The following DNAH2 variants were observed in gnomAD, a reference collection of about 807,000 sequenced individuals.
DNAH2 encodes the protein dynein axonemal heavy chain 2.
DNAH2 carries 323 observed loss-of-function variants against 523.5 expected under a neutral mutation model. The observed-to-expected ratio is 0.62, with a 90% CI of 0.56 to 0.68. The LOEUF is 0.68. Among genes scored for constraint, DNAH2 ranks in the 30% least tolerant of loss-of-function variants. DNAH2 has a pLI of 0.00. For synonymous variants in DNAH2, 2,093 were observed against 2,177.4 expected (o/e 0.96, Z 1.08); for missense variants, 4,907 against 5,701.5 (o/e 0.86, Z 4.49).
At chr17:7,815,259 C>T (rs1027509085) in intron 63 of DNAH2, among the ~76,000 whole-genome samples, 13 of 152,228 alleles carry the variant, frequency 8.5e-5, no homozygotes, top group Admixed American at 6.5e-4. Flanking sequence ...GGCGAGGCTC[C>T]GAAAGGATGA....
intron 63 of DNAH2, among the ~76,000 whole-genome samples, chr17:7,811,902 C>G (rs1383797553): frequency 6.6e-6 from 1 of 152,156 alleles, no homozygotes; most frequent in Non-Finnish European, 1.5e-5. Context: ...TCCTCAGGAC[C>G]TCAGAGGCTG....
In DNAH2 at chr17:7,818,682, G is replaced by A; in HGVS notation, c.10576G>A (p.Glu3526Lys). The A allele has an allele frequency of 6.2e-7, 1 of 1,614,102 alleles. No individual in the cohort carries two copies. Among genetic ancestry groups the A allele is most frequent in the Non-Finnish European group, 8.5e-7 (1 of 1,180,014 alleles). The change falls in exon 70 of 86, where the codon GAG becomes AAG. Residue 3526 changes from glutamate (E) to lysine (K), a missense_variant. Glu to Lys is a moderately conservative substitution (Grantham distance 56, BLOSUM62 1). This residue lies in a region of DNAH2 where 1,851 missense variants were observed against 2,139.4 expected (regional missense o/e 0.87). Transcript: ENST00000572933. ...GCTGCTGGGCATTGTGGTGCGGAAG[G>A]AGCGGCCTGAGCTGGAGGAGCAGAA... is the stretch of plus-strand genomic sequence containing the variant. Reference protein sequence around the residue: ...AQLLGIVVRKERPELEEQKDS... With the variant: ...AQLLGIVVRKKRPELEEQKDS...
rs116254697 is a variant in DNAH2, at chr17:7,783,563, C to A, written c.6129+2396C>A. ...ACAGGCTGGACATGATGGCTCACAC[C>A]TGTAATCCTAGCACTTTGGGAGGCA... On this transcript the variant is annotated intron_variant, in intron 39 of 85. Coordinates refer to ENST00000572933, the MANE Select transcript of DNAH2 (RefSeq NM_020877.5). 3.5e-3 allele frequency among the ~76,000 whole-genome samples: 534 copies of A among 152,082 alleles called. 3 individuals are homozygous for A. Among genetic ancestry groups the A allele is most frequent in the African/African-American group, 0.012 (509 of 41,462 alleles).
chr17:7,809,602 C>T (rs546105130), intron 63 of DNAH2, among the ~76,000 whole-genome samples: 28 of 152,220 alleles, frequency 1.8e-4, no homozygotes, highest in African/African-American at 4.8e-4. Context: ...TGAATCATAT[C>T]CTGGGCTAAA....
intron 64 of DNAH2, 24 bp from the exon 65 acceptor site, chr17:7,817,266 C>T (rs948512373): frequency 6.3e-7 from 1 of 1,580,944 alleles, no homozygotes; most frequent in Non-Finnish European, 8.5e-7. Context: ...CCCAGGCAGG[C>T]TTACCCTCCC....
rs767145532 is a variant in DNAH2, at chr17:7,831,533, G to C, written c.12603G>C (p.Gln4201His). 6 of 1,614,194 alleles carry C rather than the reference G, an allele frequency of 3.7e-6. No individual in the cohort carries two copies. The Admixed American group carries it at 1.0e-4, about 27-fold the overall frequency. The stretch of plus-strand genomic sequence containing the variant: ...TCCAGAGATACAACACACTGATGCA[G>C]ACCATCCTGTAAGACAGAGGGGGAC... Reference protein sequence around the residue: ...QEIQRYNTLMQTILFSLTDLE... With the variant: ...QEIQRYNTLMHTILFSLTDLE... Residue 4201 changes from glutamine (Q) to histidine (H), a missense_variant, in exon 81 of 86, where the codon CAG (glutamine) becomes CAC (histidine). Transcript: ENST00000572933. This position sits in a 1 kb window ranked among gnomAD's most constrained non-coding sequence, Gnocchi z 4.2.
In DNAH2 at chr17:7,832,928, G is replaced by A. The variant is rs2078226133; in HGVS notation, c.12978G>A (p.Lys4326=). The A allele has an allele frequency of 6.2e-7, 1 of 1,614,196 alleles. No homozygotes were observed. The highest frequency in any genetic ancestry group is 1.1e-5 in the South Asian group (1 of 91,088). ...VDDSNLVYPP[K]DGVWVRGLYL... is the part of the protein sequence containing the mutation. ...ACAGCAACCTAGTGTATCCCCCCAA[G>A]GTGGGAGCCAGTTGTGCTTGGGGCT... The change falls in exon 84 of 86, where the codon AAG becomes AAA. Residue 4326 remains lysine (K), a splice_region_variant and synonymous_variant. Transcript: ENST00000572933. The surrounding 1 kb of genome is among the most constrained non-coding windows in gnomAD (Gnocchi z 4.3).
chr17:7,720,815 A>G (rs1389480718), intron 2 of DNAH2, among the ~76,000 whole-genome samples: 7 of 152,102 alleles, frequency 4.6e-5, no homozygotes, highest in Non-Finnish European at 8.8e-5. Flanking sequence ...TGAAGTGCTC[A>G]GGTGAAAGCA....
rs560390161 is a variant in DNAH2 at position 7,771,209 on chromosome 17, G to A, written c.4363-121G>A. On this transcript the variant is annotated intron_variant, in intron 27 of 85. Coordinates refer to ENST00000572933, the MANE Select transcript of DNAH2 (RefSeq NM_020877.5). ...TTCCTTGTAGAACTTGGGCATCTTG[G>A]CCTTTGACTTCTAGCACTCTGTATC... 6.5e-4 allele frequency: 929 copies of A among 1,425,782 alleles called. 1 individual carries two copies. The highest frequency in any genetic ancestry group is 1.0e-3 in the Admixed American group (51 of 48,730). 88.3% of individuals were successfully genotyped at this position (1,425,782 alleles called of 1,614,324 possible).
chr17:7,767,699 T>C lies in DNAH2; in HGVS notation c.3676-201T>C, dbSNP rs192287018. On this transcript the variant is annotated intron_variant, in intron 22 of 85. Coordinates refer to ENST00000572933, the MANE Select transcript of DNAH2 (RefSeq NM_020877.5). ...TGATTTGCATTTCCCTAATGACTCA[T>C]GACATTGAGGATTTTTTCATGTGCT... Among the ~76,000 whole-genome samples the C allele has an allele frequency of 2.6e-5, 4 of 151,982 alleles. No individual in the cohort carries two copies. In the East Asian group the frequency reaches 7.7e-4, roughly 29 times the overall value.
Position 7,830,444 on chromosome 17 carries a change from C to A in DNAH2, c.11998C>A (p.Gln4000Lys). Residue 4000 changes from glutamine (Q) to lysine (K), a missense_variant, in exon 78 of 86, where the codon CAG (glutamine) becomes AAG (lysine). Coordinates refer to ENST00000572933, the MANE Select transcript of DNAH2 (RefSeq NM_020877.5). ...SVLLERKKFL[Q>K]LGWNIIYGFN... ...GTTACTTGAACGCAAAAAGTTCCTGCAGCTTGGCTGGAACATCATCTATGG... is the reference window on the plus strand; with the variant it reads ...GTTACTTGAACGCAAAAAGTTCCTGAAGCTTGGCTGGAACATCATCTATGG... 6.8e-6 allele frequency: 11 copies of A among 1,614,236 alleles called. No homozygotes were observed. The highest frequency in any genetic ancestry group is 9.3e-6 in the Non-Finnish European group (11 of 1,180,050).
chr17:7,722,091 C>T (rs9916608), intron 2 of DNAH2, among the ~76,000 whole-genome samples: 1,725 of 152,068 alleles, frequency 0.011, 45 homozygotes, highest in African/African-American at 0.039. Flanking sequence ...CTCTGCCTCC[C>T]GGATTCAAGC....
rs1305728601 is a variant in DNAH2 at position 7,830,320 on chromosome 17, A to T, written c.11874A>T (p.Thr3958=). The change falls in exon 78 of 86, where the codon ACA becomes ACT. Residue 3958 remains threonine (T), a synonymous_variant. Coordinates refer to ENST00000572933, the MANE Select transcript of DNAH2 (RefSeq NM_020877.5). The part of the protein sequence containing the change: ...EPPKGLKANM[T]RLYQLMSEPQ... The stretch of plus-strand genomic sequence containing the variant: ...CCCAGGGCCTAAAGGCCAACATGAC[A>T]CGTCTTTACCAACTGATGTCAGAAC... 1.2e-6 allele frequency: 2 copies of T among 1,614,032 alleles called. No homozygotes were observed. Among genetic ancestry groups the T allele is most frequent in the Non-Finnish European group, 1.7e-6 (2 of 1,180,018 alleles).
chr17:7,737,937 A>G (rs1008569128), intron 8 of DNAH2: 2 of 701,908 alleles, frequency 2.8e-6, no homozygotes, highest in Non-Finnish European at 2.6e-6. Context: ...AGGTGGGGAC[A>G]GAGGCTGTGG....
chr17:7,742,385 C>T (rs1315171080), intron 11 of DNAH2, among the ~76,000 whole-genome samples: 23 of 152,098 alleles, frequency 1.5e-4, no homozygotes, highest in African/African-American at 9.7e-5. Context: ...GAGCCGAGAT[C>T]GCGCCACTGT....
At position 7,792,669 on chromosome 17, in the gene DNAH2, T is replaced by C; in HGVS notation, c.7158T>C (p.Tyr2386=). 3 of 1,614,014 alleles carry C rather than the reference T, an allele frequency of 1.9e-6. No individual in the cohort carries two copies. The highest frequency in any genetic ancestry group is 2.5e-6 in the Non-Finnish European group (3 of 1,179,962). ...SWRYPPNAPF[Y]KIMVPTVDTV... ...TGCTCTTCCCTAGCGCCCCCTTCTA[T>C]AAGATCATGGTGCCCACCGTCGACA... Residue 2386 remains tyrosine (Y), a synonymous_variant, in exon 47 of 86, where the codon TAT becomes TAC. Transcript: ENST00000572933.
intron 33 of DNAH2, 152 bp from the exon 34 acceptor site, chr17:7,777,925 A>G: frequency 2.6e-6 from 2 of 772,848 alleles, no homozygotes; most frequent in Non-Finnish European, 4.2e-6. Flanking sequence ...CATCTTGCCC[A>G]TAAACCGCTC....
At chr17:7,743,864 A>G (rs2075434789) in intron 12 of DNAH2, 2 of 152,894 alleles carry the variant, frequency 1.3e-5, no homozygotes, top group Admixed American at 6.5e-5. Flanking sequence ...AAATGTAATT[A>G]ATCAATTAAC....
chr17:7,739,827 G>A lies in DNAH2; in HGVS notation c.1265G>A (p.Arg422Gln), dbSNP rs550356284. 1.4e-5 allele frequency: 22 copies of A among 1,613,956 alleles called. No homozygotes were observed. The South Asian group carries it at 1.5e-4, about 11-fold the overall frequency. Reference sequence around the variant, plus strand: ...GGTGCCCAGGGGCCACAGATAACACGGAACTTGCTGGAGATTGAGGACATC... The same window carrying A: ...GGTGCCCAGGGGCCACAGATAACACAGAACTTGCTGGAGATTGAGGACATC... ...FFGAQGPQITRNLLEIEDIFH... is the reference protein window; with the variant it reads ...FFGAQGPQITQNLLEIEDIFH... The change falls in exon 9 of 86, where the codon CGG (arginine) becomes CAG (glutamine). Residue 422 changes from arginine to glutamine, a missense_variant. Coordinates refer to ENST00000572933, the MANE Select transcript of DNAH2 (RefSeq NM_020877.5).
Sources: allele counts gnomAD v4.1 joint callset (sites outside exome capture counted in the v4.1 genomes callset), GRCh38; gene constraint gnomAD v4.1.1; regional missense constraint gnomAD v4.1.1; non-coding constraint Gnocchi (gnomAD v3.1); transcripts MANE v1.5; gene names NCBI Gene and HGNC (gene_info 2026-07-23, HGNC 2026-07-21).